Variants in LRRFIP2 observed in about 807,000 individuals in gnomAD.
LRRFIP2 encodes LRR binding FLII interacting protein 2.
LRRFIP2 carries 109 observed loss-of-function variants against 125.9 expected under a neutral mutation model. The ratio of observed to expected loss-of-function variants is 0.87; its 90% confidence interval spans 0.74 to 1.01. LRRFIP2 has a LOEUF of 1.01. LRRFIP2 is among the 50% of genes least tolerant of loss of function. The pLI is 0.00. For synonymous variants in LRRFIP2, 291 were observed against 293.1 expected (o/e 0.99, Z 0.07); for missense variants, 850 against 862.3 (o/e 0.99, Z 0.18).
chr3:37,082,133 G>C (rs1439210796), intron 19 of LRRFIP2, among the ~76,000 whole-genome samples: 1 of 152,076 alleles, frequency 6.6e-6, no homozygotes, highest in African/African-American at 2.4e-5. Context: ...TAGAAGCAAA[G>C]AGCCAAAGAC....
intron 19 of LRRFIP2, 71 bp downstream of exon 19, chr3:37,083,565 A>C: frequency 8.7e-7 from 1 of 1,155,022 alleles, no homozygotes; most frequent in Non-Finnish European, 1.2e-6. Context: ...AGTATGCTGC[A>C]ATCTTCCATC....
At chr3:37,118,575 C>T (rs181834525) in intron 6 of LRRFIP2, among the ~76,000 whole-genome samples, 4 of 152,292 alleles carry the variant, frequency 2.6e-5, no homozygotes, top group East Asian at 1.9e-4. Flanking sequence ...TCTTGAACTA[C>T]CTTTGCTGTT....
intron 18 of LRRFIP2, among the ~76,000 whole-genome samples, chr3:37,088,131 T>C (rs1173928412): frequency 6.6e-6 from 1 of 152,180 alleles, no homozygotes; most frequent in Admixed American, 6.5e-5. Flanking sequence ...CCCATATACT[T>C]CTAGAACAAG....
intron 19 of LRRFIP2, among the ~76,000 whole-genome samples, chr3:37,076,567 A>T (rs972755807): frequency 2.6e-5 from 4 of 151,754 alleles, no homozygotes; most frequent in African/African-American, 9.7e-5. Context: ...TTTGAATGGC[A>T]GAGAATCTCT....
chr3:37,063,849 T>C (rs1038333745), intron 23 of LRRFIP2, 58 bp from the exon 24 acceptor site: 3 of 1,326,078 alleles, frequency 2.3e-6, no homozygotes, highest in Admixed American at 3.5e-5. Context: ...ACATAAACAA[T>C]TAAAAATTTT....
intron 23 of LRRFIP2, chr3:37,064,644 G>T (rs945058380): frequency 6.6e-6 from 1 of 150,858 alleles, no homozygotes; most frequent in African/African-American, 2.4e-5. Context: ...CTTGGTGGCA[G>T]CACCATTAGG....
rs1559978238 is a variant in LRRFIP2 at position 37,129,163 on chromosome 3, T to TA, written c.91-15dup. ...CCTTGCCTCTGCCTGAAAAGTAATATAAAACTCAGCTTTATACAACAAAAA... is the reference window on the plus strand; with the variant it reads ...CCTTGCCTCTGCCTGAAAAGTAATATAAAAACTCAGCTTTATACAACAAAAA... On this transcript the variant is annotated splice_polypyrimidine_tract_variant and intron_variant, in intron 2 of 27. Transcript: ENST00000336686. 6.2e-7 allele frequency: 1 copy of TA among 1,612,172 alleles called. No individual in the cohort carries two copies. Among genetic ancestry groups the TA allele is most frequent in the Admixed American group, 1.7e-5 (1 of 60,002 alleles).
intron 2 of LRRFIP2, among the ~76,000 whole-genome samples, chr3:37,139,272 C>CT (rs1190250473): frequency 6.6e-6 from 1 of 152,088 alleles, no homozygotes; most frequent in Non-Finnish European, 1.5e-5. Flanking sequence ...CACAATGAAC[C>CT]ATACAAGGTT....
chr3:37,156,171 G>A (rs542567306), intron 1 of LRRFIP2, among the ~76,000 whole-genome samples: 2 of 152,022 alleles, frequency 1.3e-5, no homozygotes, highest in East Asian at 1.9e-4. Flanking sequence ...CACCATGCTC[G>A]GGCTATGCTT....
At chr3:37,109,194 A>T (rs1031357178) in intron 11 of LRRFIP2, among the ~76,000 whole-genome samples, 1 of 152,234 alleles carries the variant, frequency 6.6e-6, no homozygotes, top group African/African-American at 2.4e-5. Flanking sequence ...GGCCAAGATC[A>T]TAACTGTCCC....
At chr3:37,141,377 C>G (rs986209360) in intron 2 of LRRFIP2, among the ~76,000 whole-genome samples, 1 of 152,186 alleles carries the variant, frequency 6.6e-6, no homozygotes, top group African/African-American at 2.4e-5. Context: ...CCTCCCATTC[C>G]CTAGCCCCTC....
chr3:37,077,530 A>C (rs1453459493), intron 19 of LRRFIP2, among the ~76,000 whole-genome samples: 1 of 152,216 alleles, frequency 6.6e-6, no homozygotes, highest in Non-Finnish European at 1.5e-5. Context: ...AAAAATGGCT[A>C]CCTAATTTAT....
At chr3:37,062,306 C>T (rs1258032348) in intron 24 of LRRFIP2, among the ~76,000 whole-genome samples, 1 of 152,056 alleles carries the variant, frequency 6.6e-6, no homozygotes, top group East Asian at 1.9e-4. Context: ...ACTGAAATAT[C>T]CCAGTGCCTA....
chr3:37,158,618 A>AC (rs1233195660), intron 1 of LRRFIP2, among the ~76,000 whole-genome samples: 52 of 151,952 alleles, frequency 3.4e-4, no homozygotes, highest in African/African-American at 1.2e-3. Context: ...AAAAAAAAAA[A>AC]AGTATGAAAT....
intron 2 of LRRFIP2, among the ~76,000 whole-genome samples, chr3:37,131,203 T>C (rs2095419507): frequency 6.6e-6 from 1 of 152,148 alleles, no homozygotes; most frequent in Non-Finnish European, 1.5e-5. Flanking sequence ...GCATCCCATC[T>C]CTCTCCATTC....
intron 18 of LRRFIP2, among the ~76,000 whole-genome samples, chr3:37,088,998 A>G (rs902352264): frequency 6.6e-6 from 1 of 152,082 alleles, no homozygotes; most frequent in Non-Finnish European, 1.5e-5. Context: ...TTTACAGTAT[A>G]AAATATATAC....
Position 37,112,916 on chromosome 3 carries a change from A to G in LRRFIP2, c.437T>C (p.Leu146Pro). 6.5e-7 allele frequency: 1 copy of G among 1,544,850 alleles called. No individual in the cohort carries two copies. Among genetic ancestry groups the G allele is most frequent in the Non-Finnish European group, 8.9e-7 (1 of 1,126,634 alleles). ...GATATGAGAGACAACAGAACTAACC[A>G]GTAGGTCTTTATGAGAATCAGAAGA... ...KRSSDSHKDLLSGLYFDQRNY... is the reference protein window; with the variant it reads ...KRSSDSHKDLPSGLYFDQRNY... The change falls in exon 8 of 28, where the codon CTG becomes CCG. Residue 146 changes from leucine (L) to proline (P), a missense_variant and splice_region_variant. Leu to Pro is a moderately conservative substitution (Grantham distance 98). Transcript: ENST00000336686.
intron 1 of LRRFIP2, among the ~76,000 whole-genome samples, chr3:37,173,439 C>CTT (rs2096613637): frequency 6.6e-6 from 1 of 152,156 alleles, no homozygotes; most frequent in Non-Finnish European, 1.5e-5. Context: ...ATCCTTCTGC[C>CTT]TTGGCTTCCA....
Position 37,083,789 on chromosome 3 carries a change from C to A in LRRFIP2, c.1125G>T (p.Val375=). The change falls in exon 19 of 28, where the codon GTG becomes GTT. Residue 375 remains valine, a synonymous_variant. Transcript: ENST00000336686. ...CCATGGCTTTCTTGTATTTTTCTTC[C>A]ACTTCAGACAAAGATTCCTAAATGA... is the stretch of plus-strand genomic sequence containing the variant. ...LKELKESLSE[V]EEKYKKAMVS... 1 of 1,587,712 alleles carries A rather than the reference C, an allele frequency of 6.3e-7. No homozygotes were observed. Among genetic ancestry groups the A allele is most frequent in the South Asian group, 1.2e-5 (1 of 84,938 alleles).
Sources: gnomAD v4.1 joint callset for allele counts (sites outside exome capture counted in the v4.1 genomes callset) on GRCh38, gnomAD v4.1.1 for gene constraint, MANE v1.5 for transcripts, NCBI Gene and HGNC (gene_info 2026-07-23, HGNC 2026-07-21) for gene names.